Variants in TEC observed in about 807,000 individuals in gnomAD.
TEC encodes tyrosine-protein kinase Tec.
TEC carries 72 observed loss-of-function variants against 93.0 expected under a neutral mutation model. The ratio of observed to expected loss-of-function variants is 0.77; its 90% confidence interval spans 0.64 to 0.94. TEC has a LOEUF of 0.94. TEC is among the 40% of genes least tolerant of loss of function. The pLI, the probability that TEC is intolerant of heterozygous loss-of-function variation, is 0.00. For synonymous variants in TEC, 249 were observed against 247.7 expected, an observed-to-expected ratio of 1.01 and a Z score of -0.05; for missense variants, 630 against 757.9, an observed-to-expected ratio of 0.83 and a Z score of 1.98.
intron 8 of TEC, among the ~76,000 whole-genome samples, chr4:48,162,930 T>C (rs147192448): frequency 1.3e-5 from 2 of 152,348 alleles, no homozygotes; most frequent in African/African-American, 4.8e-5. Context: ...CAGCATGCGT[T>C]GGGAACCCTA....
chr4:48,174,801 T>C (rs1303177173), intron 3 of TEC, among the ~76,000 whole-genome samples: 2 of 152,206 alleles, frequency 1.3e-5, no homozygotes, highest in Non-Finnish European at 2.9e-5. Context: ...AGGTGTAATA[T>C]TAATAGCAGC....
At chr4:48,214,410 G>A (rs1322731285) in intron 2 of TEC, among the ~76,000 whole-genome samples, 1 of 152,206 alleles carries the variant, frequency 6.6e-6, no homozygotes, top group Admixed American at 6.5e-5. Context: ...AGGTAGGAAA[G>A]TGACAAGCAC....
At chr4:48,265,804 C>G (rs116910884) in intron 1 of TEC, among the ~76,000 whole-genome samples, 2 of 152,072 alleles carry the variant, frequency 1.3e-5, no homozygotes, top group Non-Finnish European at 2.9e-5. Flanking sequence ...TGAGCCACTG[C>G]GCCCGGCCAC....
chr4:48,156,770 T>C, intron 8 of TEC, 36 bp from the exon 9 acceptor site: 1 of 1,531,488 alleles, frequency 6.5e-7, no homozygotes, highest in Non-Finnish European at 8.8e-7. Flanking sequence ...AGGCCTCAGG[T>C]TTTTAGGATA....
At position 48,165,415 on chromosome 4, in the gene TEC, T is replaced by C. The variant is rs13118566; in HGVS notation, c.672-1648A>G. Among the ~76,000 whole-genome samples, 306 of 152,342 alleles carry C rather than the reference T, an allele frequency of 2.0e-3. 1 individual carries two copies. The highest frequency in any genetic ancestry group is 2.8e-3 in the Non-Finnish European group (190 of 68,030). ...TCTTTAGAGAACTACTAAATGCAGATGGAATGACAAAATTAGGAAATCACC... is the reference window on the plus strand; with the variant it reads ...TCTTTAGAGAACTACTAAATGCAGACGGAATGACAAAATTAGGAAATCACC... On this transcript the variant is annotated intron_variant, in intron 7 of 17. Coordinates refer to ENST00000381501, the MANE Select transcript of TEC (RefSeq NM_003215.3).
chr4:48,214,199 T>C (rs1431108540), intron 2 of TEC, among the ~76,000 whole-genome samples: 3 of 152,206 alleles, frequency 2.0e-5, no homozygotes, highest in African/African-American at 4.8e-5. Context: ...AATTATTATG[T>C]AGCCGGTGAG....
intron 1 of TEC, among the ~76,000 whole-genome samples, chr4:48,246,404 C>T (rs11945483): frequency 1.3e-5 from 2 of 151,838 alleles, no homozygotes; most frequent in Non-Finnish European, 2.9e-5. Flanking sequence ...ACAACCTTTT[C>T]TGCAGAACTG....
At chr4:48,230,499 C>T (rs1723615716) in intron 1 of TEC, among the ~76,000 whole-genome samples, 1 of 152,222 alleles carries the variant, frequency 6.6e-6, no homozygotes, top group Non-Finnish European at 1.5e-5. Flanking sequence ...TATGACCCCA[C>T]ATCTGGACCA....
At chr4:48,225,986 T>C (rs1723448001) in intron 2 of TEC, among the ~76,000 whole-genome samples, 1 of 152,126 alleles carries the variant, frequency 6.6e-6, no homozygotes, top group Non-Finnish European at 1.5e-5. Flanking sequence ...TTCTGTGTTG[T>C]GACTACCTCC....
intron 2 of TEC, among the ~76,000 whole-genome samples, chr4:48,218,352 G>A (rs1723145264): frequency 1.3e-5 from 2 of 152,050 alleles, no homozygotes; most frequent in Non-Finnish European, 2.9e-5. Flanking sequence ...ACAGAAGATG[G>A]CTTGCTATGT....
At chr4:48,138,584 G>A in intron 17 of TEC, 81 bp downstream of exon 17, 1 of 1,468,352 alleles carries the variant, frequency 6.8e-7, no homozygotes, top group Admixed American at 2.2e-5. Context: ...CACCTCACTA[G>A]GCTATAAAGA....
chr4:48,149,464 C>A, intron 11 of TEC, 93 bp downstream of exon 11: 1 of 1,274,514 alleles, frequency 7.8e-7, no homozygotes, highest in Admixed American at 2.8e-5. Flanking sequence ...AATGAACTAA[C>A]TATAAAATAA....
chr4:48,210,061 AAAATGCAAAATCAT>A (rs1412736548), intron 2 of TEC, among the ~76,000 whole-genome samples: 2 of 152,212 alleles, frequency 1.3e-5, no homozygotes, highest in African/African-American at 4.8e-5. Context: ...AAATAAAACT[AAAATGCAAAATCAT>A]AAATGCAAAA....
intron 4 of TEC, among the ~76,000 whole-genome samples, chr4:48,171,137 C>T (rs1220340515): frequency 2.6e-5 from 4 of 152,034 alleles, no homozygotes; most frequent in African/African-American, 9.7e-5. Context: ...TAAATGAGAG[C>T]GTGCTTTTCT....
Position 48,228,674 on chromosome 4 carries a change from G to C in TEC, c.-45-15C>G. The C allele has an allele frequency of 6.4e-7, 1 of 1,551,474 alleles. No individual in the cohort carries two copies. Among genetic ancestry groups the C allele is most frequent in the East Asian group, 2.3e-5 (1 of 43,714 alleles). On this transcript the variant is annotated splice_polypyrimidine_tract_variant and intron_variant, in intron 1 of 17. Transcript: ENST00000381501. The stretch of plus-strand genomic sequence containing the variant: ...ATCCCAGTATTCTACAGTGAAAAAA[G>C]AAACAGTTAAAATGTGACAGTTTAA...
At chr4:48,149,939 A>T (rs1188848266) in intron 10 of TEC, among the ~76,000 whole-genome samples, 1 of 152,238 alleles carries the variant, frequency 6.6e-6, no homozygotes, top group African/African-American at 2.4e-5. Flanking sequence ...TATGAATTCC[A>T]TTTAACAACA....
chr4:48,257,596 T>C (rs564227362), intron 1 of TEC, among the ~76,000 whole-genome samples: 14 of 152,198 alleles, frequency 9.2e-5, no homozygotes, highest in Non-Finnish European at 1.9e-4. Flanking sequence ...AAAGTAATCT[T>C]ACCCACCTCA....
At chr4:48,142,668 A>AT (rs903564659) in intron 14 of TEC, among the ~76,000 whole-genome samples, 115 of 151,796 alleles carry the variant, frequency 7.6e-4, no homozygotes, top group Middle Eastern at 3.4e-3. Context: ...GAAGACAAGA[A>AT]TTTTTTTTTA....
At chr4:48,159,586 A>G (rs1219505790) in intron 8 of TEC, among the ~76,000 whole-genome samples, 2 of 137,642 alleles carry the variant, frequency 1.5e-5, no homozygotes, top group Non-Finnish European at 3.1e-5. Context: ...ATGGGGTTTC[A>G]CACTTGTTGT....
Sources: gnomAD v4.1 joint callset for allele counts (sites outside exome capture counted in the v4.1 genomes callset) on GRCh38, gnomAD v4.1.1 for gene constraint, MANE v1.5 for transcripts, NCBI Gene and HGNC (gene_info 2026-07-23, HGNC 2026-07-21) for gene names.